SPAG16: variants seen among roughly 807,000 people sequenced by gnomAD.
SPAG16 encodes sperm associated antigen 16, also known as sperm-associated antigen 16 protein.
A neutral mutation model predicts 80.4 loss-of-function variants in SPAG16; 86 were observed. That is an observed-to-expected ratio of 1.07 (90% CI 0.90 to 1.28). The LOEUF is 1.28. Among genes scored for constraint, SPAG16 ranks in the 50% most tolerant of loss-of-function variants. SPAG16 has a pLI of 0.00. For synonymous variants in SPAG16, 294 were observed against 265.9 expected (o/e 1.11, Z -1.03); for missense variants, 870 against 765.3 (o/e 1.14, Z -1.61).
intron 9 of SPAG16, among the ~76,000 whole-genome samples, chr2:213,416,137 A>G (rs1319843640): frequency 6.6e-6 from 1 of 152,218 alleles, no homozygotes; most frequent in Non-Finnish European, 1.5e-5. Context: ...GAAGGAATCA[A>G]TGCCAGAAGC....
intron 10 of SPAG16, among the ~76,000 whole-genome samples, chr2:213,675,467 A>G (rs2064013958): frequency 6.6e-6 from 1 of 152,172 alleles, no homozygotes; most frequent in African/African-American, 2.4e-5. Flanking sequence ...GCCCATGCCT[A>G]TGTCCTGAAT....
At chr2:213,325,800 T>G (rs72937048) in intron 5 of SPAG16, among the ~76,000 whole-genome samples, 4 of 151,850 alleles carry the variant, frequency 2.6e-5, no homozygotes, top group Admixed American at 2.0e-4. Flanking sequence ...TATCTAATGT[T>G]TATATTTTGT....
At chr2:213,778,022 A>C (rs763819984) in intron 10 of SPAG16, among the ~76,000 whole-genome samples, 1 of 152,168 alleles carries the variant, frequency 6.6e-6, no homozygotes, top group East Asian at 1.9e-4. Flanking sequence ...GAAAGGTGCT[A>C]GATAATAAAT....
intron 10 of SPAG16, among the ~76,000 whole-genome samples, chr2:213,777,237 ATTTTTTTTTT>A (rs59548915): frequency 3.6e-5 from 3 of 82,702 alleles, no homozygotes; most frequent in African/African-American, 9.8e-5. Context: ...GTTTGTAGGA[ATTTTTTTTTT>A]TTTTTTTTTT....
chr2:214,058,845 A>T (rs1003191800), intron 13 of SPAG16, among the ~76,000 whole-genome samples: 5 of 152,114 alleles, frequency 3.3e-5, no homozygotes, highest in African/African-American at 9.7e-5. Context: ...TCTGAGATTC[A>T]AAAGGTGGAT....
chr2:213,832,986 T>C (rs1282909190), intron 10 of SPAG16, among the ~76,000 whole-genome samples: 1 of 152,142 alleles, frequency 6.6e-6, no homozygotes, highest in East Asian at 1.9e-4. Context: ...GAAATTTGTA[T>C]ATATGTTTCA....
At chr2:214,115,657 T>C (rs1199367191) in intron 14 of SPAG16, among the ~76,000 whole-genome samples, 1 of 152,164 alleles carries the variant, frequency 6.6e-6, no homozygotes, top group East Asian at 1.9e-4. Flanking sequence ...GGCAGGCAGA[T>C]CATGAGGTCA....
At chr2:213,371,095 G>T (rs566206791) in intron 8 of SPAG16, among the ~76,000 whole-genome samples, 71 of 152,170 alleles carry the variant, frequency 4.7e-4, no homozygotes, top group African/African-American at 1.7e-3. Context: ...CTAAAACTTG[G>T]TATCCTACTT....
intron 15 of SPAG16, among the ~76,000 whole-genome samples, chr2:214,366,408 A>G (rs1020904739): frequency 6.6e-6 from 1 of 152,198 alleles, no homozygotes; most frequent in Non-Finnish European, 1.5e-5. Context: ...GGTACGACCT[A>G]CTTTTGTAAA....
At chr2:213,410,249 A>T (rs2068887328) in intron 9 of SPAG16, among the ~76,000 whole-genome samples, 1 of 152,226 alleles carries the variant, frequency 6.6e-6, no homozygotes, top group Non-Finnish European at 1.5e-5. Flanking sequence ...GTTGCTGACC[A>T]TCTAGTTATT....
chr2:213,967,649 C>A (rs1229229783), intron 12 of SPAG16, among the ~76,000 whole-genome samples: 1 of 151,976 alleles, frequency 6.6e-6, no homozygotes, highest in African/African-American at 2.4e-5. Context: ...TATGTCTTAA[C>A]CCCTGCTATG....
At chr2:213,593,746 C>CTTTTT (rs541949006) in intron 10 of SPAG16, among the ~76,000 whole-genome samples, 3 of 50,192 alleles carry the variant, frequency 6.0e-5, no homozygotes, top group Non-Finnish European at 5.0e-5. Flanking sequence ...CCCACCACAT[C>CTTTTT]TTTTTTTTTT....
intron 15 of SPAG16, among the ~76,000 whole-genome samples, chr2:214,242,723 A>T (rs1003593073): frequency 6.6e-6 from 1 of 152,210 alleles, no homozygotes; most frequent in Admixed American, 6.5e-5. Flanking sequence ...TGTAAAAATA[A>T]TGCAAAATTC....
At chr2:213,773,036 C>T (rs2069351032) in intron 10 of SPAG16, among the ~76,000 whole-genome samples, 1 of 150,086 alleles carries the variant, frequency 6.7e-6, no homozygotes, top group African/African-American at 2.5e-5. Flanking sequence ...TTCACTAAAG[C>T]CTTTAACATA....
intron 9 of SPAG16, among the ~76,000 whole-genome samples, chr2:213,483,922 A>C (rs530535153): frequency 1.3e-5 from 2 of 152,300 alleles, no homozygotes; most frequent in African/African-American, 4.8e-5. Flanking sequence ...AGAAAACATA[A>C]ATCTAACCAT....
At chr2:213,323,052 G>T (rs1035062544) in intron 5 of SPAG16, among the ~76,000 whole-genome samples, 1 of 146,444 alleles carries the variant, frequency 6.8e-6, no homozygotes, top group Non-Finnish European at 1.6e-5. Flanking sequence ...CTTCTGCATG[G>T]AAAAATGCTC....
intron 10 of SPAG16, among the ~76,000 whole-genome samples, chr2:213,616,651 T>C (rs917668860): frequency 1.3e-5 from 2 of 152,354 alleles, no homozygotes; most frequent in Admixed American, 6.5e-5. Context: ...CCCAAACTAC[T>C]GAATCTCAGT....
At chr2:214,148,635 T>C (rs1421629150) in intron 14 of SPAG16, among the ~76,000 whole-genome samples, 1 of 144,638 alleles carries the variant, frequency 6.9e-6, no homozygotes, top group African/African-American at 2.6e-5. Flanking sequence ...CCTACCTCTT[T>C]TTGTTTTTTC....
At chr2:213,360,530 T>A (rs1208660429) in intron 7 of SPAG16, among the ~76,000 whole-genome samples, 1 of 152,260 alleles carries the variant, frequency 6.6e-6, no homozygotes, top group African/African-American at 2.4e-5. Flanking sequence ...TCCAGGTGTG[T>A]CCTTGTGGAA....
Sources: allele counts gnomAD v4.1 joint callset (sites outside exome capture counted in the v4.1 genomes callset), GRCh38; gene constraint gnomAD v4.1.1; transcripts MANE v1.5; gene names NCBI Gene and HGNC (gene_info 2026-07-23, HGNC 2026-07-21).